The following DGKH variants were observed in gnomAD, a reference collection of about 807,000 sequenced individuals.
DGKH encodes DAG kinase eta.
Under a neutral mutation model 159.3 loss-of-function variants are expected in DGKH, and 90 were observed. The ratio of observed to expected loss-of-function variants is 0.57; its 90% CI spans 0.48 to 0.67. The LOEUF (loss-of-function observed/expected upper bound fraction) is 0.67. DGKH is among the 30% of genes least tolerant of loss of function. The probability of loss-of-function intolerance (pLI) is 0.00; values close to 1 mark genes in which losing one functional copy is unlikely to be tolerated. For synonymous variants in DGKH, 536 were observed against 553.8 expected (o/e 0.97, Z 0.45); for missense variants, 1,181 against 1,506.1 (o/e 0.78, Z 3.57).
chr13:42,170,852 A>G (rs1253454455), intron 11 of DGKH, among the ~76,000 whole-genome samples: 6 of 151,834 alleles, frequency 4.0e-5, no homozygotes, highest in Non-Finnish European at 7.4e-5. Flanking sequence ...CTGAGGCAGG[A>G]GAATCGCTTG....
rs552503822 is a variant in DGKH at position 42,101,446 on chromosome 13, A to G, written c.193-26017A>G. On this transcript the variant is annotated intron_variant, in intron 1 of 29. Coordinates refer to ENST00000337343, the MANE Select transcript of DGKH (RefSeq NM_178009.5). ...TTAAAACCAATTAAAATTTCACACA[A>G]TGAAAAACTCAGTTTCTCAGTCTTA... Among the ~76,000 whole-genome samples, 314 of 152,340 alleles carry G rather than the reference A, an allele frequency of 2.1e-3. 1 individual carries two copies. The highest frequency in any genetic ancestry group is 3.4e-3 in the Non-Finnish European group (233 of 68,032).
At chr13:42,071,413 A>G (rs1475184217) in intron 1 of DGKH, among the ~76,000 whole-genome samples, 4 of 152,348 alleles carry the variant, frequency 2.6e-5, no homozygotes, top group South Asian at 2.1e-4. Flanking sequence ...ATGACATACT[A>G]TGCACTCAGA....
At chr13:42,179,622 A>G (rs1342336582) in intron 13 of DGKH, among the ~76,000 whole-genome samples, 1 of 152,034 alleles carries the variant, frequency 6.6e-6, no homozygotes, top group African/African-American at 2.4e-5. Context: ...CAAAGTATAC[A>G]TACTAAAATT....
downstream of DGKH, among the ~76,000 whole-genome samples, chr13:42,244,891 G>A (rs1397029997): frequency 1.9e-5 from 2 of 106,050 alleles, no homozygotes; most frequent in Non-Finnish European, 1.7e-5. Flanking sequence ...GCGACAGAGC[G>A]AGACTCCGTC....
intron 30 of DGKH, chr13:42,255,923 G>T (rs1408664246): frequency 6.3e-7 from 1 of 1,592,852 alleles, no homozygotes. Context: ...TTTTGTCACT[G>T]CTCCAAATAA....
intron 1 of DGKH, among the ~76,000 whole-genome samples, chr13:42,101,793 GAA>G (rs1002477011): frequency 3.3e-5 from 5 of 151,528 alleles, no homozygotes; most frequent in Non-Finnish European, 7.4e-5. Flanking sequence ...GAGAGAGAGA[GAA>G]AGAGAGAGAA....
rs1364197549 is a variant in DGKH at position 42,195,034 on chromosome 13, A to G, written c.2167+18A>G. The G allele has an allele frequency of 1.2e-6, 2 of 1,607,166 alleles. No individual in the cohort carries two copies. The highest frequency in any genetic ancestry group is 8.5e-7 in the Non-Finnish European group (1 of 1,178,020). ...CTGCCCAGGTAGTACAGATTCTGAAACATCGTGTATTTTTCAGTATTTCTG... is the reference window on the plus strand; with the variant it reads ...CTGCCCAGGTAGTACAGATTCTGAAGCATCGTGTATTTTTCAGTATTTCTG... On this transcript the variant is annotated intron_variant, in intron 17 of 29. Coordinates refer to ENST00000337343, the MANE Select transcript of DGKH (RefSeq NM_178009.5).
At chr13:42,069,064 C>A in intron 1 of DGKH, 3 of 1,418,990 alleles carry the variant, frequency 2.1e-6, no homozygotes, top group Non-Finnish European at 3.0e-6. Flanking sequence ...CTGCGGGATG[C>A]CTATTGGGCT....
At position 42,195,022 on chromosome 13, in the gene DGKH, A is replaced by G. The variant is rs1183452210; in HGVS notation, c.2167+6A>G. The G allele has an allele frequency of 6.2e-7, 1 of 1,609,702 alleles. No individual in the cohort carries two copies. Among genetic ancestry groups the G allele is most frequent in the Admixed American group, 1.7e-5 (1 of 58,810 alleles). On this transcript the variant is annotated splice_donor_region_variant and intron_variant, in intron 17 of 29. Transcript: ENST00000337343. Reference sequence around the variant, plus strand: ...TACCAGAATAATCTGCCCAGGTAGTACAGATTCTGAAACATCGTGTATTTT... The same window carrying G: ...TACCAGAATAATCTGCCCAGGTAGTGCAGATTCTGAAACATCGTGTATTTT...
intron 1 of DGKH, among the ~76,000 whole-genome samples, chr13:42,115,984 A>T (rs1954960780): frequency 6.6e-6 from 1 of 152,212 alleles, no homozygotes; most frequent in South Asian, 2.1e-4. Flanking sequence ...CTTTTCCATA[A>T]TAAATAATGC....
At chr13:42,199,770 TA>T (rs1345804617) in intron 19 of DGKH, 42 bp from the exon 20 acceptor site, 59 of 1,581,266 alleles carry the variant, frequency 3.7e-5, no homozygotes, top group Non-Finnish European at 5.0e-5. Context: ...AAGGAGTAAA[TA>T]AATAAAATTT....
intron 1 of DGKH, among the ~76,000 whole-genome samples, chr13:42,042,406 G>C (rs73187204): frequency 6.6e-6 from 1 of 152,012 alleles, no homozygotes; most frequent in African/African-American, 2.4e-5. Context: ...TCTCAAAAGT[G>C]ACAAGTAAAA....
intron 3 of DGKH, among the ~76,000 whole-genome samples, chr13:42,132,936 A>T (rs1374464668): frequency 6.6e-6 from 1 of 151,990 alleles, no homozygotes; most frequent in African/African-American, 2.4e-5. Context: ...TGGGAGGCTG[A>T]GGTGGGCAGA....
chr13:42,250,317 T>A (rs957639972), intron 29 of DGKH, among the ~76,000 whole-genome samples: 5 of 152,152 alleles, frequency 3.3e-5, no homozygotes, highest in African/African-American at 1.2e-4. Context: ...AACACGTAAT[T>A]GTACATTTAT....
chr13:42,168,889 A>C lies in DGKH; in HGVS notation c.1367+71A>C. On this transcript the variant is annotated intron_variant, in intron 11 of 29. Coordinates refer to ENST00000337343, the MANE Select transcript of DGKH (RefSeq NM_178009.5). ...GAAATCATTTTTTTGATGATTTCTT[A>C]ATAAATATTTATTAATAAATTTTAC... 3 of 1,466,664 alleles carry C rather than the reference A, an allele frequency of 2.0e-6. No individual in the cohort carries two copies. The South Asian group carries it at 4.2e-5, about 21-fold the overall frequency. The allele number at this position is 1,466,664 out of a possible 1,614,324, so 90.9% of individuals were successfully genotyped here.
intron 1 of DGKH, among the ~76,000 whole-genome samples, chr13:42,102,346 A>T (rs1231347261): frequency 2.0e-5 from 3 of 152,264 alleles, no homozygotes; most frequent in African/African-American, 7.2e-5. Context: ...AAGCAGCAGG[A>T]TCTGCTGTCC....
intron 1 of DGKH, among the ~76,000 whole-genome samples, chr13:42,104,648 G>A (rs547108500): frequency 6.6e-6 from 1 of 152,190 alleles, no homozygotes; most frequent in Admixed American, 6.5e-5. Flanking sequence ...GGGAGGTCAG[G>A]AAATGGAGTT....
chr13:42,084,815 G>A (rs1204465941), intron 1 of DGKH, among the ~76,000 whole-genome samples: 1 of 151,378 alleles, frequency 6.6e-6, no homozygotes, highest in Non-Finnish European at 1.5e-5. Context: ...TGCCACCTAG[G>A]TTCTAACCAT....
At position 42,236,465 on chromosome 13, in the gene DGKH, C is replaced by A. The variant is rs1958414903; in HGVS notation, c.*7277C>A. On this transcript the variant is annotated 3_prime_UTR_variant, in exon 30 of 30. Transcript: ENST00000337343. ...AAAATATAAAGCCAAAATGAATTCA[C>A]CAATATTAAGGATTTAATGTAGCCA... 1 of 151,988 alleles carries A rather than the reference C, an allele frequency of 6.6e-6. No homozygotes were observed. The highest frequency in any genetic ancestry group is 2.4e-5 in the African/African-American group (1 of 41,346). 9.4% of individuals were successfully genotyped at this position (151,988 alleles called of 1,614,324 possible).
Sources: gnomAD v4.1 joint callset for allele counts (sites outside exome capture counted in the v4.1 genomes callset) on GRCh38, gnomAD v4.1.1 for gene constraint, MANE v1.5 for transcripts, NCBI Gene and HGNC (gene_info 2026-07-23, HGNC 2026-07-21) for gene names.